Variants in SFSWAP observed in about 807,000 individuals in gnomAD.
SFSWAP encodes the protein splicing factor SWAP, also known as splicing factor, suppressor of white-apricot homolog.
Under a neutral mutation model 100.7 loss-of-function variants are expected in SFSWAP, and 17 were observed. The observed-to-expected ratio is 0.17, with a 90% CI of 0.12 to 0.25. The LOEUF is 0.25. SFSWAP is among the 10% of genes least tolerant of loss of function. The probability of loss-of-function intolerance (pLI) is 1.00; values close to 1 mark genes in which losing one functional copy is unlikely to be tolerated. For missense variants in SFSWAP, 1,005 were observed against 1,262.6 expected (o/e 0.80, Z 3.09); for synonymous variants, 504 against 510.1 (o/e 0.99, Z 0.16).
At chr12:131,775,380 C>T (rs971281607) in intron 13 of SFSWAP, among the ~76,000 whole-genome samples, 3 of 152,126 alleles carry the variant, frequency 2.0e-5, no homozygotes, top group Non-Finnish European at 2.9e-5. Context: ...TCACAGGTGC[C>T]CGTGTTGAGG....
At chr12:131,767,189 A>G (rs1478633744) in intron 13 of SFSWAP, among the ~76,000 whole-genome samples, 2 of 151,724 alleles carry the variant, frequency 1.3e-5, no homozygotes, top group Non-Finnish European at 2.9e-5. Context: ...TCCTGTGCCA[A>G]GGGGATTGCT....
intron 14 of SFSWAP, among the ~76,000 whole-genome samples, chr12:131,780,581 C>T (rs1462026467): frequency 6.6e-6 from 1 of 152,178 alleles, no homozygotes; most frequent in Non-Finnish European, 1.5e-5. Flanking sequence ...ATTGCTTGAG[C>T]TGAGCTCAGG....
At position 131,794,220 on chromosome 12, in the gene SFSWAP, A is replaced by G. The variant is rs1284840434; in HGVS notation, c.2535-2958A>G. On this transcript the variant is annotated intron_variant, in intron 15 of 17. Transcript: ENST00000261674. The surrounding 1 kb of genome is among the most constrained non-coding windows in gnomAD (Gnocchi z 4.8). The stretch of plus-strand genomic sequence containing the variant: ...ACCCTGCGTCGTGGAGGAGTCTCAG[A>G]CATGCTTTGCTGAGCAAAAGCAGCC... 6.6e-6 allele frequency among the ~76,000 whole-genome samples: 1 copy of G among 151,848 alleles called. No individual in the cohort carries two copies. The highest frequency in any genetic ancestry group is 1.5e-5 in the Non-Finnish European group (1 of 67,944).
At chr12:131,779,423 G>A (rs1490178788) in intron 14 of SFSWAP, among the ~76,000 whole-genome samples, 1 of 152,092 alleles carries the variant, frequency 6.6e-6, no homozygotes, top group Non-Finnish European at 1.5e-5. Flanking sequence ...TCTGGCAGCA[G>A]AAATTAAAAA....
At chr12:131,779,279 C>T (rs1248186919) in intron 14 of SFSWAP, among the ~76,000 whole-genome samples, 6 of 151,094 alleles carry the variant, frequency 4.0e-5, no homozygotes, top group Admixed American at 6.6e-5. Context: ...GTGAAGAGGG[C>T]GGCGCGGGTG....
intron 7 of SFSWAP, among the ~76,000 whole-genome samples, chr12:131,747,666 C>T (rs1424080364): frequency 3.3e-5 from 5 of 152,150 alleles, no homozygotes; most frequent in African/African-American, 7.2e-5. Context: ...GCTGAATCAT[C>T]GGGCGTCAGC....
rs567325089 is a variant in SFSWAP at position 131,784,971 on chromosome 12, G to A, written c.2409-1492G>A. On this transcript the variant is annotated intron_variant, in intron 14 of 17. Coordinates refer to ENST00000261674, the MANE Select transcript of SFSWAP (RefSeq NM_004592.4). ...GAATTCTACGTGTAAGCATTCCCCA[G>A]CCGCTATAGCTTTGAATAAGCAGAG... 3.3e-6 allele frequency: 3 copies of A among 913,722 alleles called. No homozygotes were observed. In the East Asian group the frequency reaches 8.6e-5, roughly 26 times the overall value. The allele number at this position is 913,722 out of a possible 1,614,324, so 56.6% of individuals were successfully genotyped here. A position where few individuals can be genotyped will look rare whatever the true frequency, so the allele number is the denominator to read the frequency against.
At chr12:131,747,856 T>C (rs1282167998) in intron 7 of SFSWAP, among the ~76,000 whole-genome samples, 7 of 152,320 alleles carry the variant, frequency 4.6e-5, no homozygotes, top group Admixed American at 1.3e-4. Context: ...CAAGTTCAAG[T>C]TCAGCTCAGG....
chr12:131,767,791 A>G (rs973384025), intron 13 of SFSWAP, among the ~76,000 whole-genome samples: 2 of 152,110 alleles, frequency 1.3e-5, no homozygotes, highest in Non-Finnish European at 1.5e-5. Flanking sequence ...TTGAGCACAC[A>G]TGGACACAGA....
chr12:131,726,968 T>C lies in SFSWAP; in HGVS notation c.861T>C (p.Asp287=). 1 of 1,596,820 alleles carries C rather than the reference T, an allele frequency of 6.3e-7. No individual in the cohort carries two copies. Among genetic ancestry groups the C allele is most frequent in the Non-Finnish European group, 8.6e-7 (1 of 1,167,334 alleles). ...KKSGVSSDNE[D]DDDEEDGNYL... ...CAGGAGTCAGCTCTGACAATGAAGA[T>C]GATGATGATGAAGAAGATGGGAATT... Residue 287 remains aspartate (D), a synonymous_variant, in exon 6 of 18, where the codon GAT becomes GAC. Coordinates refer to ENST00000261674, the MANE Select transcript of SFSWAP (RefSeq NM_004592.4).
chr12:131,772,011 C>G (rs887561577), intron 13 of SFSWAP, among the ~76,000 whole-genome samples: 2 of 152,154 alleles, frequency 1.3e-5, no homozygotes, highest in Non-Finnish European at 2.9e-5. Flanking sequence ...ACTGGCTTTC[C>G]CTTAGCCTGG....
At chr12:131,713,619 C>T (rs1333431759) in intron 1 of SFSWAP, 3 of 152,188 alleles carry the variant, frequency 2.0e-5, no homozygotes, top group African/African-American at 4.8e-5. Context: ...CAGAAAGAAG[C>T]GAGGAAATTT....
At chr12:131,781,948 G>A (rs937138285) in intron 14 of SFSWAP, among the ~76,000 whole-genome samples, 8 of 152,222 alleles carry the variant, frequency 5.3e-5, no homozygotes, top group African/African-American at 1.7e-4. Context: ...CGTGGGTGCT[G>A]GCCCCTGGCA....
chr12:131,782,718 T>C (rs1324223795), intron 14 of SFSWAP, among the ~76,000 whole-genome samples: 2 of 152,260 alleles, frequency 1.3e-5, no homozygotes, highest in Non-Finnish European at 2.9e-5. Context: ...ATTTAATGGC[T>C]ATACTGTTCC....
At chr12:131,772,335 A>G (rs1883684151) in intron 13 of SFSWAP, among the ~76,000 whole-genome samples, 1 of 152,238 alleles carries the variant, frequency 6.6e-6, no homozygotes, top group South Asian at 2.1e-4. Context: ...ATTCAGGTAC[A>G]GTTGTAAATG....
chr12:131,711,475 C>T lies in SFSWAP; in HGVS notation c.218+28C>T, dbSNP rs774864337. The stretch of plus-strand genomic sequence containing the variant: ...CGGTTCCTCTCCCCACCCGTCGATC[C>T]TTCCCTTCCCTCACCCGCTTGATCT... On this transcript the variant is annotated intron_variant, in intron 1 of 17. Coordinates refer to ENST00000261674, the MANE Select transcript of SFSWAP (RefSeq NM_004592.4). The surrounding 1 kb of genome is among the most constrained non-coding windows in gnomAD (Gnocchi z 4.9). 8 of 1,550,564 alleles carry T rather than the reference C, an allele frequency of 5.2e-6. No individual in the cohort carries two copies. The South Asian group carries it at 7.8e-5, about 15-fold the overall frequency.
intron 12 of SFSWAP, 82 bp from the exon 13 acceptor site, chr12:131,766,036 A>G: frequency 1.4e-6 from 2 of 1,404,456 alleles, no homozygotes. Flanking sequence ...ATTGTATGAC[A>G]CTTTTGCAAC....
chr12:131,717,915 GAGAC>G (rs1878080795), intron 3 of SFSWAP, among the ~76,000 whole-genome samples: 1 of 152,074 alleles, frequency 6.6e-6, no homozygotes, highest in Admixed American at 6.6e-5. Context: ...ATTTTTAATG[GAGAC>G]AGGATTTCAC....
At chr12:131,777,958 G>A (rs1884157606) in intron 13 of SFSWAP, 107 bp from the exon 14 acceptor site, 1 of 1,502,346 alleles carries the variant, frequency 6.7e-7, no homozygotes, top group Non-Finnish European at 8.8e-7. Flanking sequence ...CTAAGAGATG[G>A]TTGCTGTGTT....
Sources: allele counts gnomAD v4.1 joint callset (sites outside exome capture counted in the v4.1 genomes callset), GRCh38; gene constraint gnomAD v4.1.1; non-coding constraint Gnocchi (gnomAD v3.1); transcripts MANE v1.5; gene names NCBI Gene and HGNC (gene_info 2026-07-23, HGNC 2026-07-21).